The following NOX1 variants were observed in gnomAD, a reference collection of about 807,000 sequenced individuals.
NOX1 encodes NADH/NADPH mitogenic oxidase subunit P65-MOX.
Under a neutral mutation model 42.5 loss-of-function variants are expected in NOX1, and 34 were observed. That is an observed-to-expected ratio of 0.80 (90% CI 0.61 to 1.07). The LOEUF (loss-of-function observed/expected upper bound fraction) is 1.07, where lower values mean the gene tolerates loss of function less well. NOX1 is among the 50% of genes least tolerant of loss of function. The pLI is 0.00. For synonymous variants in NOX1, 143 were observed against 152.5 expected (o/e 0.94, Z 0.46); for missense variants, 408 against 427.0 (o/e 0.96, Z 0.39).
chrX:100,871,828 TC>T (rs2085276573), intron 1 of NOX1, among the ~76,000 whole-genome samples: 2 of 111,769 alleles, frequency 1.8e-5, no homozygotes, highest in South Asian at 7.5e-4. Context: ...CTATTCAGAC[TC>T]CCTAGATCTA....
chrX:100,855,951 T>C (rs1220103072), intron 7 of NOX1: 1 of 1,150,616 alleles, frequency 8.7e-7, no homozygotes. Context: ...AAAGCCCCTT[T>C]TCTTGCCACT....
chrX:100,869,031 G>T (rs1273280132), intron 2 of NOX1, among the ~76,000 whole-genome samples: 1 of 111,122 alleles, frequency 9.0e-6, no homozygotes, highest in African/African-American at 3.3e-5. Context: ...TCTCTGTTTT[G>T]GTACCAGTAC....
intron 7 of NOX1, among the ~76,000 whole-genome samples, chrX:100,853,344 T>TTCTCTCTCTTTC (rs2085140923): frequency 2.1e-5 from 2 of 93,082 alleles, no homozygotes; most frequent in African/African-American, 8.3e-5. Flanking sequence ...CTTTCTTTCT[T>TTCTCTCTCTTTC]TCTTTCTTTC....
At chrX:100,861,091 G>C (rs977108679) in intron 7 of NOX1, among the ~76,000 whole-genome samples, 1 of 110,761 alleles carries the variant, frequency 9.0e-6, no homozygotes, top group South Asian at 3.8e-4. Context: ...ATGGCTTCAG[G>C]GTGGTTTATC....
At chrX:100,857,825 C>T (rs753926316) in intron 7 of NOX1, among the ~76,000 whole-genome samples, 20 of 109,625 alleles carry the variant, frequency 1.8e-4, no homozygotes, top group African/African-American at 6.3e-4. Flanking sequence ...AGACCTTTGT[C>T]GGATGTGTAG....
chrX:100,869,808 T>C (rs1172952352), intron 2 of NOX1, among the ~76,000 whole-genome samples: 2 of 96,643 alleles, frequency 2.1e-5, no homozygotes, highest in African/African-American at 3.8e-5. Flanking sequence ...TTGTCATAGA[T>C]AGCTCTTATT....
chrX:100,868,595 A>G (rs2085253679), intron 2 of NOX1, among the ~76,000 whole-genome samples: 1 of 110,878 alleles, frequency 9.0e-6, no homozygotes, highest in Non-Finnish European at 1.9e-5. Flanking sequence ...TCCTTTCTGC[A>G]GGCCTTGAAT....
chrX:100,861,069 A>G (rs967218566), intron 7 of NOX1, among the ~76,000 whole-genome samples: 4 of 111,446 alleles, frequency 3.6e-5, no homozygotes, highest in Non-Finnish European at 3.8e-5. Context: ...ATGCAAAATT[A>G]TCTCTTCTTT....
Position 100,862,724 on chromosome X carries a change from G to C in NOX1, c.434C>G (p.Ser145Cys), listed in dbSNP as rs745897374. 8 of 1,197,375 alleles carry C rather than the reference G, an allele frequency of 6.7e-6. No homozygotes were observed. The African/African-American group carries it at 1.4e-4, about 21-fold the overall frequency. ...AGAACCCCCCTTTTTCTCATCATGA[G>C]ATAGGCTGGAGAGAATGGAGGCAAG... ...GSLASILSSL[S>C]HDEKKGGSWL... The change falls in exon 5 of 13, where the codon TCT becomes TGT. Residue 145 changes from serine (S) to cysteine (C), a missense_variant. Physicochemically the swap from Ser to Cys is moderately radical, Grantham distance 112. Coordinates refer to ENST00000372966, the MANE Select transcript of NOX1 (RefSeq NM_007052.5).
At chrX:100,853,523 C>T (rs1358792973) in intron 7 of NOX1, among the ~76,000 whole-genome samples, 5 of 105,921 alleles carry the variant, frequency 4.7e-5, no homozygotes, top group African/African-American at 6.9e-5. Flanking sequence ...GCTTCAGCCT[C>T]CCAAGTAGCT....
intron 1 of NOX1, among the ~76,000 whole-genome samples, chrX:100,872,112 T>C (rs16983650): frequency 0.15 from 16,301 of 111,448 alleles, 1,815 homozygotes; most frequent in African/African-American, 0.38. Context: ...TACAGAGTTG[T>C]GTCACCACCG....
chrX:100,856,106 CTT>C (rs1321743153), intron 7 of NOX1: 69 of 1,015,993 alleles, frequency 6.8e-5, no homozygotes, highest in Middle Eastern at 7.2e-4. Context: ...AGAATCTTCT[CTT>C]GAGACAGTTC....
At chrX:100,853,971 C>T (rs2085149330) in intron 7 of NOX1, among the ~76,000 whole-genome samples, 1 of 111,800 alleles carries the variant, frequency 8.9e-6, no homozygotes, top group Admixed American at 9.4e-5. Context: ...GGCAAAACCC[C>T]GTCTCTACTA....
At chrX:100,857,220 T>G (rs2085173402) in intron 7 of NOX1, among the ~76,000 whole-genome samples, 1 of 112,305 alleles carries the variant, frequency 8.9e-6, no homozygotes, top group African/African-American at 3.2e-5. Context: ...CTTGTTATTT[T>G]TTATGGCTGC....
intron 7 of NOX1, chrX:100,855,891 G>A (rs1457870416): frequency 1.1e-5 from 13 of 1,173,505 alleles, no homozygotes; most frequent in African/African-American, 7.0e-5. Context: ...ATGGTATTTC[G>A]GAATGACAAT....
chrX:100,849,975 C>G (rs2085102328), intron 9 of NOX1, 41 bp from the exon 10 acceptor site: 21 of 1,135,949 alleles, frequency 1.8e-5, no homozygotes, highest in Non-Finnish European at 2.4e-5. Context: ...GAAGACTCCC[C>G]TCCACCTCCA....
At position 100,843,357 on chromosome X, in the gene NOX1, G is replaced by C; in HGVS notation, c.*595C>G. On this transcript the variant is annotated 3_prime_UTR_variant, in exon 13 of 13. Transcript: ENST00000372966. The stretch of plus-strand genomic sequence containing the variant: ...AGAAGAAAATCCTTTATTTTTTGAT[G>C]AGCAAAAATAAGAATAAATTGCTGT... 1 of 1,073,758 alleles carries C rather than the reference G, an allele frequency of 9.3e-7. No individual in the cohort carries two copies. The highest frequency in any genetic ancestry group is 2.4e-5 in the African/African-American group (1 of 41,560). 88.5% of individuals were successfully genotyped at this position (1,073,758 alleles called of 1,213,427 possible).
rs372583656 is a variant in NOX1 at position 100,874,167 on chromosome X, A to G, written c.-28T>C. On this transcript the variant is annotated 5_prime_UTR_variant, in exon 1 of 13. Coordinates refer to ENST00000372966, the MANE Select transcript of NOX1 (RefSeq NM_007052.5). ...TCAAGAGGTGGTTTGGAGCCCTTCT[A>G]GGCAACAGGGAAGATTCAGCAATCC... The G allele has an allele frequency of 7.9e-5, 88 of 1,116,883 alleles. No individual in the cohort carries two copies. In the African/African-American group the frequency reaches 1.4e-3, roughly 18 times the overall value. The allele number at this position is 1,116,883 out of a possible 1,213,427, so 92.0% of individuals were successfully genotyped here.
In NOX1 at chrX:100,853,258, C is replaced by T. The variant is rs868858790; in HGVS notation, c.805-1933G>A. 6.4e-3 allele frequency among the ~76,000 whole-genome samples: 240 copies of T among 37,575 alleles called. 3 individuals carry two copies. Among genetic ancestry groups the T allele is most frequent in the African/African-American group, 0.028 (228 of 8,099 alleles). The allele number at this position is 37,575 out of a possible 115,157, so 32.6% of individuals were successfully genotyped here. ...TTTTCTTTCTTTCCTTCCTTCCTTC[C>T]TTCCTTTCTTTCTTTCTTTCTTTCT... On this transcript the variant is annotated intron_variant, in intron 7 of 12. Coordinates refer to ENST00000372966, the MANE Select transcript of NOX1 (RefSeq NM_007052.5).
Sources: gnomAD v4.1 joint callset for allele counts (sites outside exome capture counted in the v4.1 genomes callset) on GRCh38, gnomAD v4.1.1 for gene constraint, MANE v1.5 for transcripts, NCBI Gene and HGNC (gene_info 2026-07-23, HGNC 2026-07-21) for gene names.